The following SOX6 variants were observed in gnomAD, a reference collection of about 807,000 sequenced individuals.
SOX6 encodes the protein transcription factor SOX-6.
In SOX6, 11 loss-of-function variants were observed where a neutral mutation model predicts 97.8. The observed-to-expected ratio is 0.11, with a 90% CI of 0.07 to 0.19. The LOEUF is 0.19. Among genes scored for constraint, SOX6 ranks in the 10% least tolerant of loss-of-function variants. The pLI, the probability that SOX6 is intolerant of heterozygous loss-of-function variation, is 1.00. For synonymous variants in SOX6, 360 were observed against 371.4 expected (o/e 0.97, Z 0.35); for missense variants, 810 against 1,039.5 (o/e 0.78, Z 3.04).
intron 5 of SOX6, among the ~76,000 whole-genome samples, chr11:16,185,693 A>G (rs1323333375): frequency 1.3e-5 from 2 of 152,202 alleles, no homozygotes; most frequent in Non-Finnish European, 2.9e-5. Flanking sequence ...ATGTGTCAAG[A>G]TTAATTTGTG....
intron 1 of SOX6, among the ~76,000 whole-genome samples, chr11:16,389,511 T>C (rs548598419): frequency 4.3e-4 from 66 of 152,296 alleles, no homozygotes; most frequent in Admixed American, 4.0e-3. Flanking sequence ...TCCCTTTGGC[T>C]CTTTTTAATA....
chr11:16,166,969 A>G (rs1161427033), intron 6 of SOX6, among the ~76,000 whole-genome samples: 1 of 152,168 alleles, frequency 6.6e-6, no homozygotes, highest in African/African-American at 2.4e-5. Flanking sequence ...ATTAGGCTAA[A>G]AACACTGAAC....
intron 12 of SOX6, 198 bp from the exon 13 acceptor site, chr11:16,015,248 A>G (rs1199561091): frequency 1.7e-6 from 1 of 599,668 alleles, no homozygotes; most frequent in Non-Finnish European, 3.0e-6. Context: ...TCTAGACCAT[A>G]GTACCTGTAG....
intron 3 of SOX6, among the ~76,000 whole-genome samples, chr11:16,701,817 C>A (rs1229797444): frequency 3.3e-5 from 5 of 151,422 alleles, no homozygotes; most frequent in Non-Finnish European, 7.4e-5. Context: ...TGGTGTGAAC[C>A]CAGGAGGCGG....
At position 16,326,425 on chromosome 11, in the gene SOX6, C is replaced by T. The variant is rs139193596; in HGVS notation, c.238-7772G>A. Among the ~76,000 whole-genome samples the T allele has an allele frequency of 9.2e-5, 14 of 152,120 alleles. No individual in the cohort carries two copies. In the East Asian group the frequency reaches 2.1e-3, roughly 23 times the overall value. ...CAGCAGGATTGTTCCCTCCATGTCA[C>T]ATAGGCAGGACCGGTAAAAATCTTT... On this transcript the variant is annotated intron_variant, in intron 2 of 15. Coordinates refer to ENST00000683767, the MANE Select transcript of SOX6 (RefSeq NM_001367873.1).
chr11:16,128,805 C>T (rs558158192), intron 6 of SOX6, among the ~76,000 whole-genome samples: 1 of 152,152 alleles, frequency 6.6e-6, no homozygotes, highest in African/African-American at 2.4e-5. Context: ...ACTAGATATG[C>T]GAATTCCAAG....
intron 2 of SOX6, among the ~76,000 whole-genome samples, chr11:16,332,983 G>C (rs11023916): frequency 6.6e-6 from 1 of 152,310 alleles, no homozygotes; most frequent in Admixed American, 6.5e-5. Context: ...AGAAAGATTA[G>C]ATATATTTGT....
intron 3 of SOX6, among the ~76,000 whole-genome samples, chr11:16,706,479 T>A (rs376745128): frequency 0.62 from 7,120 of 11,460 alleles, 2,677 homozygotes; most frequent in Non-Finnish European, 0.68. Flanking sequence ...AAAATATATA[T>A]ATATATATAT....
chr11:16,078,777 A>G (rs1407416898), intron 9 of SOX6, among the ~76,000 whole-genome samples: 1 of 152,154 alleles, frequency 6.6e-6, no homozygotes, highest in Non-Finnish European at 1.5e-5. Context: ...GGGACATTTG[A>G]ATAAAGACCT....
chr11:16,217,325 T>A (rs1467388347), intron 4 of SOX6, among the ~76,000 whole-genome samples: 8 of 152,176 alleles, frequency 5.3e-5, no homozygotes, highest in Non-Finnish European at 2.9e-5. Flanking sequence ...GTGGTTTTAC[T>A]AACTTGAGTA....
At chr11:16,643,647 GC>G (rs1269030975) in intron 3 of SOX6, among the ~76,000 whole-genome samples, 1 of 152,190 alleles carries the variant, frequency 6.6e-6, no homozygotes, top group Non-Finnish European at 1.5e-5. Context: ...CTGCCACCTT[GC>G]AGTTTGATCT....
intron 12 of SOX6, among the ~76,000 whole-genome samples, chr11:16,035,863 T>C (rs1014363192): frequency 2.0e-5 from 3 of 152,070 alleles, no homozygotes; most frequent in African/African-American, 7.2e-5. Flanking sequence ...TATGATGCCT[T>C]AGGGTCACCA....
intron 13 of SOX6, among the ~76,000 whole-genome samples, chr11:16,002,053 G>C (rs2119906273): frequency 6.6e-6 from 1 of 152,234 alleles, no homozygotes; most frequent in South Asian, 2.1e-4. Flanking sequence ...TCTACTTAAA[G>C]TGTCACAAAC....
chr11:16,533,536 A>G (rs947752523), intron 4 of SOX6, among the ~76,000 whole-genome samples: 12 of 152,042 alleles, frequency 7.9e-5, no homozygotes, highest in Admixed American at 2.6e-4. Flanking sequence ...AATGGTTGCT[A>G]CATTTTTCAC....
At chr11:16,571,884 C>T (rs1391555839) in intron 4 of SOX6, among the ~76,000 whole-genome samples, 1 of 152,176 alleles carries the variant, frequency 6.6e-6, no homozygotes, top group African/African-American at 2.4e-5. Flanking sequence ...AACTCCTGAC[C>T]TCAAGTGACC....
At chr11:16,014,403 G>A (rs1346802572) in intron 13 of SOX6, among the ~76,000 whole-genome samples, 1 of 152,052 alleles carries the variant, frequency 6.6e-6, no homozygotes. Flanking sequence ...TGCTAAAACT[G>A]CTGCAAACTA....
At chr11:16,670,757 A>C (rs567172825) in intron 3 of SOX6, among the ~76,000 whole-genome samples, 30 of 152,244 alleles carry the variant, frequency 2.0e-4, no homozygotes, top group African/African-American at 7.2e-4. Context: ...GGCCACAACC[A>C]CTACTGAGGT....
intron 3 of SOX6, among the ~76,000 whole-genome samples, chr11:16,710,685 A>C (rs1029483285): frequency 2.0e-5 from 3 of 152,132 alleles, no homozygotes; most frequent in Admixed American, 6.5e-5. Context: ...TCTGAAATCT[A>C]TCTCTTTTCC....
chr11:16,524,275 C>T (rs1439803115), intron 4 of SOX6, among the ~76,000 whole-genome samples: 1 of 151,504 alleles, frequency 6.6e-6, no homozygotes, highest in Non-Finnish European at 1.5e-5. Flanking sequence ...AAAAGCTTAT[C>T]CACCATGATC....
Sources: allele counts gnomAD v4.1 joint callset (sites outside exome capture counted in the v4.1 genomes callset), GRCh38; gene constraint gnomAD v4.1.1; transcripts MANE v1.5; gene names NCBI Gene and HGNC (gene_info 2026-07-23, HGNC 2026-07-21).